The following SDR42E1 variants were observed in gnomAD, a reference collection of about 807,000 sequenced individuals.
The protein encoded by SDR42E1 is short chain dehydrogenase/reductase family 42E, member 1.
Under a neutral mutation model 2.6 loss-of-function variants are expected in SDR42E1, and 5 were observed. The observed-to-expected ratio is 1.94, with a 90% CI of 1.01 to 4.08. The LOEUF is 4.08. Ranked by LOEUF, SDR42E1 falls within the 30% of genes most tolerant of loss-of-function variation. The pLI is 0.00. For missense variants in SDR42E1, 596 were observed against 478.6 expected (o/e 1.25, Z -2.29); for synonymous variants, 231 against 188.3 (o/e 1.23, Z -1.86).
At chr16:82,004,030 G>A (rs1291407936) in intron 1 of SDR42E1, among the ~76,000 whole-genome samples, 1 of 152,204 alleles carries the variant, frequency 6.6e-6, no homozygotes, top group Non-Finnish European at 1.5e-5. Context: ...CCTAAAAAGT[G>A]CCGGGTTATG....
At chr16:82,001,891 G>C (rs1372987393) in intron 1 of SDR42E1, among the ~76,000 whole-genome samples, 1 of 129,720 alleles carries the variant, frequency 7.7e-6, no homozygotes, top group African/African-American at 3.2e-5. Context: ...GACAGAGCAA[G>C]ACTCCATCTC....
At chr16:82,006,085 C>T (rs1034418320) in intron 1 of SDR42E1, among the ~76,000 whole-genome samples, 1 of 152,198 alleles carries the variant, frequency 6.6e-6, no homozygotes, top group Non-Finnish European at 1.5e-5. Context: ...GACTGTGCTA[C>T]TTGCCCTCTG....
At chr16:82,001,959 T>TACACACACAC (rs200680543) in intron 1 of SDR42E1, among the ~76,000 whole-genome samples, 155 of 131,122 alleles carry the variant, frequency 1.2e-3, no homozygotes, top group African/African-American at 5.6e-3. Flanking sequence ...ACTGGGTGCG[T>TACACACACAC]ATACACACAC....
At chr16:82,005,005 A>G (rs1244577894) in intron 1 of SDR42E1, among the ~76,000 whole-genome samples, 2 of 152,274 alleles carry the variant, frequency 1.3e-5, no homozygotes, top group Non-Finnish European at 2.9e-5. Flanking sequence ...AGGATGTCAG[A>G]TAACAATTTA....
Position 81,999,963 on chromosome 16 carries a change from G to C in SDR42E1, c.330C>G (p.Cys110Trp). The change falls in exon 3 of 3, where the codon TGC becomes TGG. Residue 110 changes from cysteine (C) to tryptophan (W), a missense_variant. By Grantham distance (215) the Cys-to-Trp change is radical. Transcript: ENST00000328945. Reference protein sequence around the residue: ...VRGTDNILQVCQRRRVPRLVY... With the variant: ...VRGTDNILQVWQRRRVPRLVY... The stretch of plus-strand genomic sequence containing the variant: ...CTAACCTGGGCACCCTTCTCCTTTG[G>C]CAAACCTGGAGGATGTTGTCTGTGC... 1 of 1,614,160 alleles carries C rather than the reference G, an allele frequency of 6.2e-7. No homozygotes were observed.
chr16:81,999,609 C>T lies in SDR42E1; in HGVS notation c.684G>A (p.Leu228=). The T allele has an allele frequency of 6.2e-7, 1 of 1,614,130 alleles. No homozygotes were observed. The highest frequency in any genetic ancestry group is 8.5e-7 in the Non-Finnish European group (1 of 1,180,034). The change falls in exon 3 of 3, where the codon TTG becomes TTA. Residue 228 remains leucine, a synonymous_variant. Coordinates refer to ENST00000328945, the MANE Select transcript of SDR42E1 (RefSeq NM_145168.3). ...CTGAGGCCAGAATGTGAGCCTGCAC[C>T]AAGTTATCCACGTGGACAAACTCAA... ...SLVEFVHVDN[L]VQAHILASEA...
At chr16:82,000,435 G>A in intron 2 of SDR42E1, 2 of 710,054 alleles carry the variant, frequency 2.8e-6, no homozygotes, top group Non-Finnish European at 5.0e-6. Flanking sequence ...TACAAAGAGA[G>A]AGGCCTTATC....
chr16:81,999,451 C>T lies in SDR42E1; in HGVS notation c.842G>A (p.Arg281His), dbSNP rs370136905. The T allele has an allele frequency of 1.5e-5, 25 of 1,613,970 alleles. No homozygotes were observed. Among genetic ancestry groups the T allele is most frequent in the East Asian group, 1.1e-4 (5 of 44,898 alleles). Residue 281 changes from arginine (R) to histidine (H), a missense_variant, in exon 3 of 3, where the codon CGC (arginine) becomes CAC (histidine). Coordinates refer to ENST00000328945, the MANE Select transcript of SDR42E1 (RefSeq NM_145168.3). ...EGLGYTFPST[R>H]LPLTLVYCFA... ...GCAGTAGACCAAGGTCAATGGCAGG[C>T]GGGTAGACGGGAATGTGTAGCCCAG...
intron 1 of SDR42E1, 83 bp from the exon 2 acceptor site, chr16:82,000,967 G>A (rs1291612447): frequency 3.5e-6 from 3 of 847,266 alleles, no homozygotes; most frequent in Non-Finnish European, 5.6e-6. Context: ...AAAACAAAAA[G>A]TCAATACGCT....
At chr16:82,010,840 C>G (rs1913102845) in intron 1 of SDR42E1, among the ~76,000 whole-genome samples, 1 of 152,210 alleles carries the variant, frequency 6.6e-6, no homozygotes, top group African/African-American at 2.4e-5. Flanking sequence ...AATAAACTTT[C>G]TAAATGAACT....
Position 81,998,197 on chromosome 16 carries a change from T to G in SDR42E1, c.*914A>C, listed in dbSNP as rs1375897029. 2.0e-5 allele frequency: 3 copies of G among 152,380 alleles called. No homozygotes were observed. The highest frequency in any genetic ancestry group is 2.1e-4 in the South Asian group (1 of 4,828). The allele number at this position is 152,380 out of a possible 1,614,324, so 9.4% of individuals were successfully genotyped here. On this transcript the variant is annotated 3_prime_UTR_variant, in exon 3 of 3. Transcript: ENST00000328945. ...AAACCCATCTATGAGTTTAGAGCTC[T>G]GCTTCATTTTTAAACTAAAAATGGC...
At chr16:82,010,804 T>C (rs1258727743) in intron 1 of SDR42E1, among the ~76,000 whole-genome samples, 5 of 152,206 alleles carry the variant, frequency 3.3e-5, no homozygotes, top group African/African-American at 1.2e-4. Context: ...GGCTGTGTCA[T>C]GGGTACATGT....
chr16:82,004,604 G>C (rs560059316), intron 1 of SDR42E1, among the ~76,000 whole-genome samples: 1 of 152,204 alleles, frequency 6.6e-6, no homozygotes, highest in Non-Finnish European at 1.5e-5. Context: ...GGCCTCAAGC[G>C]ATCCTCCTAC....
chr16:82,008,776 T>A (rs1017310354), intron 1 of SDR42E1, among the ~76,000 whole-genome samples: 2 of 152,208 alleles, frequency 1.3e-5, no homozygotes, highest in Admixed American at 1.3e-4. Flanking sequence ...GAAATTTGCA[T>A]AAGTAACAAG....
rs1447373148 is a variant in SDR42E1, at chr16:81,998,889, A to AT, written c.*221dup. ...TTGTACCCACCTAAAACAGAAGCAC[A>AT]TAACAAATCAAATTTCAAACTAATC... On this transcript the variant is annotated 3_prime_UTR_variant, in exon 3 of 3. Coordinates refer to ENST00000328945, the MANE Select transcript of SDR42E1 (RefSeq NM_145168.3). 1.7e-6 allele frequency: 1 copy of AT among 584,092 alleles called. No individual in the cohort carries two copies. The allele number at this position is 584,092 out of a possible 1,614,324, so 36.2% of individuals were successfully genotyped here. A position where few individuals can be genotyped will look rare whatever the true frequency, so the allele number is the denominator to read the frequency against.
In SDR42E1 at chr16:81,999,460, G is replaced by C. The variant is rs182411290; in HGVS notation, c.833C>G (p.Pro278Arg). ...CAAGGTCAATGGCAGGCGGGTAGAC[G>C]GGAATGTGTAGCCCAGGCCCTCAAC... ...PLVEGLGYTF[P>R]STRLPLTLVY... The change falls in exon 3 of 3, where the codon CCG becomes CGG. Residue 278 changes from proline (P) to arginine (R), a missense_variant. Pro to Arg is a moderately radical substitution (Grantham distance 103). Coordinates refer to ENST00000328945, the MANE Select transcript of SDR42E1 (RefSeq NM_145168.3). The C allele has an allele frequency of 6.2e-7, 1 of 1,614,146 alleles. No homozygotes were observed. Among genetic ancestry groups the C allele is most frequent in the East Asian group, 2.2e-5 (1 of 44,888 alleles).
intron 1 of SDR42E1, among the ~76,000 whole-genome samples, chr16:82,008,708 T>C (rs1349600682): frequency 6.6e-6 from 1 of 152,190 alleles, no homozygotes; most frequent in Non-Finnish European, 1.5e-5. Context: ...ATTTGCAGCC[T>C]AATGATACAA....
Position 81,999,137 on chromosome 16 carries a change from G to A in SDR42E1, c.1156C>T (p.Pro386Ser), listed in dbSNP as rs1240197286. 3 of 1,613,776 alleles carry A rather than the reference G, an allele frequency of 1.9e-6. No individual in the cohort carries two copies. In the African/African-American group the frequency reaches 4.0e-5, roughly 22 times the overall value. ...LLIIAVLMWL[P>S]SSVILSL ...CACAGTGACAGAATCACAGAAGAAG[G>A]CAGCCACATGAGAACTGCTATAATC... Residue 386 changes from proline to serine, a missense_variant, in exon 3 of 3, where the codon CCT (proline) becomes TCT (serine). Pro to Ser is a moderately conservative substitution (Grantham distance 74). Transcript: ENST00000328945.
intron 1 of SDR42E1, among the ~76,000 whole-genome samples, chr16:82,010,648 G>A (rs1445792145): frequency 6.6e-6 from 1 of 152,126 alleles, no homozygotes; most frequent in African/African-American, 2.4e-5. Context: ...TGACCTGGAA[G>A]CCCCCTCCCC....
Sources: gnomAD v4.1 joint callset for allele counts (sites outside exome capture counted in the v4.1 genomes callset) on GRCh38, gnomAD v4.1.1 for gene constraint, MANE v1.5 for transcripts, NCBI Gene and HGNC (gene_info 2026-07-23, HGNC 2026-07-21) for gene names.